Variants in NOX3 observed in about 807,000 individuals in gnomAD.
NOX3 encodes the protein NADPH oxidase catalytic subunit-like 3.
NOX3 carries 74 observed loss-of-function variants against 76.7 expected under a neutral mutation model. The observed-to-expected ratio is 0.96, with a 90% CI of 0.80 to 1.17. NOX3 has a LOEUF of 1.17. NOX3 is among the 50% of genes most tolerant of loss of function. The pLI is 0.00. For missense variants in NOX3, 695 were observed against 703.3 expected (o/e 0.99, Z 0.13); for synonymous variants, 263 against 261.1 (o/e 1.01, Z -0.07).
chr6:155,407,391 G>T (rs1015006189), intron 11 of NOX3, 137 bp from the exon 12 acceptor site: 19 of 804,750 alleles, frequency 2.4e-5, no homozygotes, highest in Middle Eastern at 7.5e-4. Flanking sequence ...ATCACTATTT[G>T]CAGATGTCTC....
chr6:155,449,750 T>C (rs1458158553), intron 4 of NOX3, among the ~76,000 whole-genome samples: 1 of 152,216 alleles, frequency 6.6e-6, no homozygotes, highest in Non-Finnish European at 1.5e-5. Context: ...GAGGTTGGCA[T>C]GCAAACTTCG....
intron 13 of NOX3, 122 bp downstream of exon 13, chr6:155,396,686 CA>C: frequency 1.5e-6 from 1 of 647,476 alleles, no homozygotes; most frequent in South Asian, 3.6e-5. Context: ...TGGCACTTTA[CA>C]ATGGCAGAGT....
intron 9 of NOX3, among the ~76,000 whole-genome samples, chr6:155,425,317 C>T (rs1776742966): frequency 6.6e-6 from 1 of 152,176 alleles, no homozygotes; most frequent in African/African-American, 2.4e-5. Flanking sequence ...GAATCAGCTT[C>T]ATTTGCACAA....
At chr6:155,422,582 G>T in intron 10 of NOX3, 112 bp downstream of exon 10, 1 of 982,050 alleles carries the variant, frequency 1.0e-6, no homozygotes, top group Non-Finnish European at 1.5e-6. Flanking sequence ...AAGGATCCTT[G>T]AGTTTATCCC....
intron 4 of NOX3, among the ~76,000 whole-genome samples, chr6:155,452,438 T>C (rs1467959540): frequency 6.6e-6 from 1 of 152,168 alleles, no homozygotes; most frequent in Non-Finnish European, 1.5e-5. Context: ...TTTACTCTTA[T>C]TTCCTAACAA....
At chr6:155,403,921 A>C (rs1779267095) in intron 12 of NOX3, among the ~76,000 whole-genome samples, 1 of 151,976 alleles carries the variant, frequency 6.6e-6, no homozygotes, top group South Asian at 2.1e-4. Flanking sequence ...TGTAAAAATA[A>C]ATAAATAAAT....
Position 155,429,972 on chromosome 6 carries a change from G to A in NOX3, c.891+871C>T, listed in dbSNP as rs529733599. ...GTTTTACAGTCTAGCTTTTGATACA[G>A]CCTGACATCCTTTGGTGCTTAACTT... On this transcript the variant is annotated intron_variant, in intron 8 of 13. Transcript: ENST00000159060. 3.2e-4 allele frequency among the ~76,000 whole-genome samples: 48 copies of A among 152,270 alleles called. 1 individual carries two copies. In the South Asian group the frequency reaches 9.5e-3, roughly 30 times the overall value.
In NOX3 at chr6:155,445,772, A is replaced by G. The variant is rs17086321; in HGVS notation, c.341-2354T>C. ...TTTGACAATTATTTGCTTAGTGACAATGAGATTAAAGAAAGGTAGAAGGGG... is the reference window on the plus strand; with the variant it reads ...TTTGACAATTATTTGCTTAGTGACAGTGAGATTAAAGAAAGGTAGAAGGGG... On this transcript the variant is annotated intron_variant, in intron 4 of 13. Coordinates refer to ENST00000159060, the MANE Select transcript of NOX3 (RefSeq NM_015718.3). Among the ~76,000 whole-genome samples, 588 of 151,556 alleles carry G rather than the reference A, an allele frequency of 3.9e-3. 6 individuals are homozygous for G. Among genetic ancestry groups the G allele is most frequent in the African/African-American group, 0.013 (531 of 41,302 alleles).
chr6:155,423,992 C>T (rs1228962025), intron 9 of NOX3, among the ~76,000 whole-genome samples: 2 of 152,134 alleles, frequency 1.3e-5, no homozygotes, highest in African/African-American at 2.4e-5. Context: ...CCGCTCACCT[C>T]GGCCTCCCAA....
intron 10 of NOX3, among the ~76,000 whole-genome samples, chr6:155,411,707 T>C (rs1055724351): frequency 6.6e-6 from 1 of 152,308 alleles, no homozygotes; most frequent in Non-Finnish European, 1.5e-5. Flanking sequence ...CAAAGGGGGA[T>C]AAACCGTTAG....
intron 4 of NOX3, 44 bp downstream of exon 4, chr6:155,453,360 C>T (rs374663319): frequency 7.3e-7 from 1 of 1,376,710 alleles, no homozygotes; most frequent in South Asian, 1.2e-5. Flanking sequence ...TGAAGTTAGG[C>T]ATCAGATATT....
intron 4 of NOX3, among the ~76,000 whole-genome samples, chr6:155,449,502 T>C (rs1324601391): frequency 6.6e-6 from 1 of 152,116 alleles, no homozygotes; most frequent in African/African-American, 2.4e-5. Flanking sequence ...AATGATTTAT[T>C]AGTGGTTGAA....
At chr6:155,421,691 T>C (rs1214481715) in intron 10 of NOX3, among the ~76,000 whole-genome samples, 1 of 152,134 alleles carries the variant, frequency 6.6e-6, no homozygotes, top group African/African-American at 2.4e-5. Flanking sequence ...TGTCTCTCTA[T>C]GCGGCCCGGG....
chr6:155,428,586 CTTTTTTTT>C (rs35328292), intron 9 of NOX3, among the ~76,000 whole-genome samples, 200 bp downstream of exon 9: 4 of 138,434 alleles, frequency 2.9e-5, no homozygotes, highest in Admixed American at 1.4e-4. Context: ...GTCTTTTTTT[CTTTTTTTT>C]TTTTTTTTTT....
intron 7 of NOX3, among the ~76,000 whole-genome samples, chr6:155,433,818 C>T (rs1776866375): frequency 6.6e-6 from 1 of 152,162 alleles, no homozygotes; most frequent in African/African-American, 2.4e-5. Flanking sequence ...CTGCTTGGAC[C>T]TCAATTTCCT....
At chr6:155,395,939 G>A (rs1779132681) in intron 13 of NOX3, among the ~76,000 whole-genome samples, 1 of 151,944 alleles carries the variant, frequency 6.6e-6, no homozygotes, top group Non-Finnish European at 1.5e-5. Context: ...AAGACAGAAA[G>A]GAAGGAAGGC....
At chr6:155,436,334 G>T in intron 7 of NOX3, 84 bp downstream of exon 7, 1 of 1,488,592 alleles carries the variant, frequency 6.7e-7, no homozygotes, top group Non-Finnish European at 9.3e-7. Context: ...GGTGAAATGT[G>T]CTTTCTTTTT....
chr6:155,452,495 G>T (rs767156015), intron 4 of NOX3, among the ~76,000 whole-genome samples: 2 of 152,138 alleles, frequency 1.3e-5, no homozygotes, highest in Non-Finnish European at 2.9e-5. Context: ...GTTTAATCCA[G>T]CGTTGAAGAC....
At position 155,441,621 on chromosome 6, in the gene NOX3, C is replaced by T. The variant is rs143952125; in HGVS notation, c.487-1484G>A. 6.4e-4 allele frequency among the ~76,000 whole-genome samples: 98 copies of T among 152,270 alleles called. 1 individual carries two copies. The highest frequency in any genetic ancestry group is 2.1e-3 in the African/African-American group (87 of 41,552). On this transcript the variant is annotated intron_variant, in intron 5 of 13. Transcript: ENST00000159060. ...CAAATACCCTAAATTAGAGGGTTTC[C>T]TGAGCTTAATTAGTACTTACATAGT... is the stretch of plus-strand genomic sequence containing the variant.
Sources: allele counts gnomAD v4.1 joint callset (sites outside exome capture counted in the v4.1 genomes callset), GRCh38; gene constraint gnomAD v4.1.1; transcripts MANE v1.5; gene names NCBI Gene and HGNC (gene_info 2026-07-23, HGNC 2026-07-21).